YTHDC2: variants seen among roughly 807,000 people sequenced by gnomAD.
The protein encoded by YTHDC2 is 3'-5' RNA helicase YTHDC2.
Under a neutral mutation model 174.9 loss-of-function variants are expected in YTHDC2, and 45 were observed. That is an observed-to-expected ratio of 0.26 (90% CI 0.20 to 0.33). The LOEUF is 0.33. Among genes scored for constraint, YTHDC2 ranks in the 10% least tolerant of loss-of-function variants. The probability of loss-of-function intolerance (pLI) is 1.00; values close to 1 mark genes in which losing one functional copy is unlikely to be tolerated. For synonymous variants in YTHDC2, 657 were observed against 574.5 expected (o/e 1.14, Z -2.05); for missense variants, 1,650 against 1,723.7 (o/e 0.96, Z 0.76).
intron 26 of YTHDC2, among the ~76,000 whole-genome samples, chr5:113,589,095 T>G (rs12516911): frequency 0.33 from 50,683 of 151,588 alleles, 10,916 homozygotes; most frequent in African/African-American, 0.6. Flanking sequence ...ACTAATCTTG[T>G]GCTCATTATA....
intron 23 of YTHDC2, among the ~76,000 whole-genome samples, chr5:113,568,157 A>G (rs1777474436): frequency 6.6e-6 from 1 of 152,176 alleles, no homozygotes. Flanking sequence ...AAGAAATAAT[A>G]GCCACCCATA....
At chr5:113,519,270 C>A (rs1044234668) in intron 2 of YTHDC2, among the ~76,000 whole-genome samples, 1 of 152,070 alleles carries the variant, frequency 6.6e-6, no homozygotes, top group African/African-American at 2.4e-5. Context: ...CTAAAGTTTT[C>A]TTTGAAATTC....
chr5:113,540,276 G>A (rs1775361366), intron 8 of YTHDC2, among the ~76,000 whole-genome samples: 3 of 152,198 alleles, frequency 2.0e-5, no homozygotes, highest in Admixed American at 6.5e-5. Flanking sequence ...ACAAAGTGCT[G>A]TATGAATATT....
chr5:113,563,787 G>A, intron 19 of YTHDC2, 72 bp from the exon 20 acceptor site: 1 of 1,512,122 alleles, frequency 6.6e-7, no homozygotes. Context: ...TTCTCATTTA[G>A]GGGTTTTTAA....
chr5:113,574,888 C>G (rs1202013226), intron 23 of YTHDC2, among the ~76,000 whole-genome samples: 1 of 152,180 alleles, frequency 6.6e-6, no homozygotes, highest in Non-Finnish European at 1.5e-5. Context: ...AAAGGGATCC[C>G]CTGATTCACA....
At chr5:113,527,564 A>G (rs958939946) in intron 4 of YTHDC2, among the ~76,000 whole-genome samples, 2 of 152,182 alleles carry the variant, frequency 1.3e-5, no homozygotes, top group African/African-American at 4.8e-5. Context: ...ACAATTGCCT[A>G]AAATTTCCTG....
At chr5:113,567,541 A>C (rs983656814) in intron 22 of YTHDC2, 113 bp from the exon 23 acceptor site, 1 of 910,874 alleles carries the variant, frequency 1.1e-6, no homozygotes, top group Admixed American at 3.6e-5. Flanking sequence ...ATTTTTGCTT[A>C]CGTACTAATA....
intron 10 of YTHDC2, among the ~76,000 whole-genome samples, chr5:113,543,081 C>A (rs1775600685): frequency 6.6e-6 from 1 of 152,098 alleles, no homozygotes; most frequent in Admixed American, 6.6e-5. Context: ...ATACTTAATC[C>A]TTAAGTGGAT....
In YTHDC2 at chr5:113,532,004, A is replaced by C. The variant is rs984827191; in HGVS notation, c.676-875A>C. ...ACTGCTACTACATATATCTTTCTAA[A>C]ACTCTGGAGATAGGTGTTTACTGCA... is the stretch of plus-strand genomic sequence containing the variant. On this transcript the variant is annotated intron_variant, in intron 4 of 29. Coordinates refer to ENST00000161863, the MANE Select transcript of YTHDC2 (RefSeq NM_022828.5). 3.3e-5 allele frequency among the ~76,000 whole-genome samples: 5 copies of C among 152,320 alleles called. 1 individual carries two copies. The highest frequency in any genetic ancestry group is 3.3e-4 in the Admixed American group (5 of 15,306).
intron 23 of YTHDC2, among the ~76,000 whole-genome samples, chr5:113,575,242 G>C (rs1204324086): frequency 6.6e-6 from 1 of 152,156 alleles, no homozygotes; most frequent in African/African-American, 2.4e-5. Flanking sequence ...ACATCTTGAT[G>C]ATTTCAAATT....
chr5:113,595,243 C>T lies in YTHDC2; in HGVS notation c.*1769C>T, dbSNP rs528193998. 2.6e-5 allele frequency: 4 copies of T among 151,930 alleles called. No individual in the cohort carries two copies. The highest frequency in any genetic ancestry group is 6.6e-5 in the Admixed American group (1 of 15,252). The allele number at this position is 151,930 out of a possible 1,614,324, so 9.4% of individuals were successfully genotyped here. The stretch of plus-strand genomic sequence containing the variant: ...TAATTAAAGTGCTGTTTTTTGGAAG[C>T]GATAAACTTTAAATATACTTATTAA... On this transcript the variant is annotated 3_prime_UTR_variant, in exon 30 of 30. Coordinates refer to ENST00000161863, the MANE Select transcript of YTHDC2 (RefSeq NM_022828.5).
At chr5:113,578,167 TTGTGTGTGTGTATCTGTGTG>T (rs1778182557) in intron 23 of YTHDC2, among the ~76,000 whole-genome samples, 1 of 151,686 alleles carries the variant, frequency 6.6e-6, no homozygotes, top group Non-Finnish European at 1.5e-5. Context: ...GGAATAGTGT[TTGTGTGTGTGTATCTGTGTG>T]TGTGTGTGTG....
Position 113,553,869 on chromosome 5 carries a change from A to G in YTHDC2, c.2052+15A>G. The G allele has an allele frequency of 2.5e-6, 4 of 1,592,776 alleles. No individual in the cohort carries two copies. Among genetic ancestry groups the G allele is most frequent in the Non-Finnish European group, 3.4e-6 (4 of 1,174,446 alleles). ...TTCGAAAAATAGTAAGCTTCATAAA[A>G]TCTTCTTTTTAACACTTTCATTAGT... is the stretch of plus-strand genomic sequence containing the variant. On this transcript the variant is annotated intron_variant, in intron 15 of 29. Transcript: ENST00000161863.
intron 2 of YTHDC2, among the ~76,000 whole-genome samples, chr5:113,523,989 A>C (rs1774043751): frequency 6.6e-6 from 1 of 152,138 alleles, no homozygotes; most frequent in African/African-American, 2.4e-5. Flanking sequence ...CTATAATAAT[A>C]GTTTTCATTT....
chr5:113,567,326 T>G (rs751301213), intron 22 of YTHDC2, 29 bp downstream of exon 22: 2 of 1,570,358 alleles, frequency 1.3e-6, no homozygotes, highest in East Asian at 4.5e-5. Context: ...TGTTGGGTTT[T>G]GAGGTGAAAC....
rs147487531 is a variant in YTHDC2, at chr5:113,564,120, A to C, written c.2704A>C (p.Arg902=). The change falls in exon 20 of 30, where the codon AGA becomes CGA. Residue 902 remains arginine, a synonymous_variant. Transcript: ENST00000161863. ...TTTCAGTGACCATATGGCACTTCTC[A>C]GAGCATTCCAGGTACTATTACTGTC... The part of the protein sequence containing the change: ...GAFSDHMALL[R]AFQAWQKARS... 6.4e-4 allele frequency: 1,036 copies of C among 1,613,728 alleles called. 2 individuals carry two copies. The highest frequency in any genetic ancestry group is 8.3e-4 in the Non-Finnish European group (975 of 1,179,746).
chr5:113,559,095 C>G (rs1339488139), intron 17 of YTHDC2, among the ~76,000 whole-genome samples: 2 of 151,976 alleles, frequency 1.3e-5, no homozygotes, highest in Non-Finnish European at 2.9e-5. Flanking sequence ...AGGGTTCAAT[C>G]TCAGAGGACC....
intron 10 of YTHDC2, 143 bp downstream of exon 10, chr5:113,542,646 A>C: frequency 1.5e-6 from 1 of 681,000 alleles, no homozygotes; most frequent in Non-Finnish European, 2.3e-6. Flanking sequence ...TCAAATGTAC[A>C]AATCAGGATC....
intron 4 of YTHDC2, among the ~76,000 whole-genome samples, chr5:113,529,811 A>G (rs1344160719): frequency 6.6e-6 from 1 of 151,958 alleles, no homozygotes; most frequent in Non-Finnish European, 1.5e-5. Flanking sequence ...ACCTTTGTTT[A>G]TGGTATCTTG....
Sources: gnomAD v4.1 joint callset for allele counts (sites outside exome capture counted in the v4.1 genomes callset) on GRCh38, gnomAD v4.1.1 for gene constraint, MANE v1.5 for transcripts, NCBI Gene and HGNC (gene_info 2026-07-23, HGNC 2026-07-21) for gene names.